Variants in KCNIP1 observed in about 807,000 individuals in gnomAD.
KCNIP1 encodes A-type potassium channel modulatory protein KCNIP1.
A neutral mutation model predicts 33.0 loss-of-function variants in KCNIP1; 18 were observed. The observed-to-expected ratio is 0.55, with a 90% CI of 0.38 to 0.81. KCNIP1 has a LOEUF of 0.81. Ranked by LOEUF, KCNIP1 falls within the 30% of genes least tolerant of loss-of-function variation. The pLI is 0.00. For synonymous variants in KCNIP1, 93 were observed against 98.3 expected (o/e 0.95, Z 0.32); for missense variants, 238 against 271.6 (o/e 0.88, Z 0.87).
chr5:170,363,625 T>G (rs1181486190), intron 1 of KCNIP1, among the ~76,000 whole-genome samples: 1 of 152,220 alleles, frequency 6.6e-6, no homozygotes, highest in African/African-American at 2.4e-5. Context: ...GACATTCGAT[T>G]ATGGCAGCCC....
chr5:170,608,895 T>TC (rs1463283566), intron 1 of KCNIP1, among the ~76,000 whole-genome samples: 1 of 152,080 alleles, frequency 6.6e-6, no homozygotes, highest in Non-Finnish European at 1.5e-5. Context: ...GAGTTAAAAG[T>TC]CCAAGTGGGA....
intron 1 of KCNIP1, among the ~76,000 whole-genome samples, chr5:170,480,057 T>C (rs1756943042): frequency 6.6e-6 from 1 of 152,140 alleles, no homozygotes. Context: ...TCAGCAAAAA[T>C]GCACACAAAA....
At chr5:170,531,363 C>G (rs1004906035) in intron 1 of KCNIP1, among the ~76,000 whole-genome samples, 1 of 152,110 alleles carries the variant, frequency 6.6e-6, no homozygotes, top group African/African-American at 2.4e-5. Context: ...TTTCCAATAC[C>G]CTTCTCCACT....
intron 1 of KCNIP1, among the ~76,000 whole-genome samples, chr5:170,623,003 A>G (rs1019662723): frequency 3.3e-5 from 5 of 152,334 alleles, no homozygotes; most frequent in African/African-American, 1.2e-4. Flanking sequence ...AGCATTAGTT[A>G]GATTCTCATA....
At chr5:170,354,081 G>A in intron 1 of KCNIP1, 1 of 972,138 alleles carries the variant, frequency 1.0e-6, no homozygotes, top group Non-Finnish European at 1.6e-6. Flanking sequence ...AAAAGCTGGG[G>A]AAATTGGTGG....
intron 1 of KCNIP1, among the ~76,000 whole-genome samples, chr5:170,694,664 AC>A (rs1762832349): frequency 6.6e-6 from 1 of 152,244 alleles, no homozygotes; most frequent in Non-Finnish European, 1.5e-5. Flanking sequence ...AATGCACTCA[AC>A]ACAGCACCAT....
At chr5:170,495,522 C>G (rs1473354547) in intron 1 of KCNIP1, among the ~76,000 whole-genome samples, 1 of 152,224 alleles carries the variant, frequency 6.6e-6, no homozygotes, top group Non-Finnish European at 1.5e-5. Flanking sequence ...TTTGGAAAAG[C>G]CAGGGTCTGC....
intron 1 of KCNIP1, among the ~76,000 whole-genome samples, chr5:170,716,759 G>A (rs1051514550): frequency 1.3e-5 from 2 of 152,166 alleles, no homozygotes; most frequent in East Asian, 3.8e-4. Flanking sequence ...TCTTGAGTCG[G>A]AAAGAGTCTC....
rs1756386571 is a variant in KCNIP1, at chr5:170,456,701, T to TTTCTTTCTTTCTTTCTTTCTTTC, written c.88+102739_88+102740insCTTTCTTTCTTTCTTTCTTTCTT. 4.0e-3 allele frequency among the ~76,000 whole-genome samples: 544 copies of TTTCTTTCTTTCTTTCTTTCTTTC among 135,768 alleles called. 3 individuals are homozygous for TTTCTTTCTTTCTTTCTTTCTTTC. Among genetic ancestry groups the TTTCTTTCTTTCTTTCTTTCTTTC allele is most frequent in the South Asian group, 0.012 (50 of 4,264 alleles). The allele number at this position is 135,768 out of a possible 152,430, so 89.1% of individuals were successfully genotyped here. On this transcript the variant is annotated intron_variant, in intron 1 of 7. Transcript: ENST00000377360. ...TTTCTTTCTTTCTCTCTCTCTCTCT[T>TTTCTTTCTTTCTTTCTTTCTTTC]TTTCTTTCTTTCTTTCTTTCTTTCT... is the stretch of plus-strand genomic sequence containing the variant.
At chr5:170,378,649 G>C (rs1205286076) in intron 1 of KCNIP1, 6 of 1,532,352 alleles carry the variant, frequency 3.9e-6, no homozygotes, top group Non-Finnish European at 5.3e-6. Flanking sequence ...AGCAGCCCTG[G>C]GGGCCCAGCC....
Position 170,591,596 on chromosome 5 carries a change from C to T in KCNIP1, c.61+86963C>T, listed in dbSNP as rs183479158. On this transcript the variant is annotated intron_variant, in intron 1 of 7. Coordinates refer to ENST00000328939, the MANE Select transcript of KCNIP1 (RefSeq NM_014592.4). ...AAACCAAAACTCTGTACCCATTAAA[C>T]GACTCCCCATTCCCTCTTCCCCCAG... Among the ~76,000 whole-genome samples, 385 of 152,280 alleles carry T rather than the reference C, an allele frequency of 2.5e-3. 3 individuals are homozygous for T. Among genetic ancestry groups the T allele is most frequent in the Non-Finnish European group, 1.6e-3 (108 of 68,026 alleles).
At chr5:170,585,852 C>T (rs1226541515) in intron 1 of KCNIP1, among the ~76,000 whole-genome samples, 2 of 152,342 alleles carry the variant, frequency 1.3e-5, no homozygotes, top group East Asian at 3.9e-4. Flanking sequence ...CCAGCCCTGG[C>T]CGTGCTTTAG....
chr5:170,674,979 T>TG (rs943658110), intron 1 of KCNIP1, among the ~76,000 whole-genome samples: 7 of 151,602 alleles, frequency 4.6e-5, no homozygotes, highest in African/African-American at 1.7e-4. Flanking sequence ...TGTTTTGTTT[T>TG]TTTTTTTTTA....
chr5:170,367,843 C>G (rs1763734784), intron 1 of KCNIP1, among the ~76,000 whole-genome samples: 1 of 152,300 alleles, frequency 6.6e-6, no homozygotes, highest in South Asian at 2.1e-4. Flanking sequence ...ACCCATTGAC[C>G]CAGAAGCCCT....
At chr5:170,531,606 G>A (rs1755792122) in intron 1 of KCNIP1, among the ~76,000 whole-genome samples, 1 of 152,204 alleles carries the variant, frequency 6.6e-6, no homozygotes, top group Non-Finnish European at 1.5e-5. Context: ...TAGCACTCTT[G>A]TTATGCCAAG....
At chr5:170,732,303 T>C (rs1764234460) in intron 5 of KCNIP1, among the ~76,000 whole-genome samples, 1 of 151,932 alleles carries the variant, frequency 6.6e-6, no homozygotes, top group African/African-American at 2.4e-5. Context: ...ATTCAATAGG[T>C]TTGGAGTGGA....
intron 1 of KCNIP1, among the ~76,000 whole-genome samples, chr5:170,601,652 G>A (rs1758692541): frequency 6.6e-6 from 1 of 152,210 alleles, no homozygotes; most frequent in African/African-American, 2.4e-5. Flanking sequence ...AAAAAAGATT[G>A]CACTCATTTC....
intron 1 of KCNIP1, among the ~76,000 whole-genome samples, chr5:170,553,398 C>T (rs1756726567): frequency 6.6e-6 from 1 of 152,220 alleles, no homozygotes; most frequent in Non-Finnish European, 1.5e-5. Flanking sequence ...ATTCCCATTT[C>T]ATGGATGAGG....
chr5:170,657,374 G>T (rs892457245), intron 1 of KCNIP1, among the ~76,000 whole-genome samples: 2 of 152,048 alleles, frequency 1.3e-5, no homozygotes, highest in Non-Finnish European at 2.9e-5. Context: ...GTGAGGAGGG[G>T]GCCAAGAGCT....
Sources: gnomAD v4.1 joint callset for allele counts (sites outside exome capture counted in the v4.1 genomes callset) on GRCh38, gnomAD v4.1.1 for gene constraint, MANE v1.5 for transcripts, NCBI Gene and HGNC (gene_info 2026-07-23, HGNC 2026-07-21) for gene names.